SCN3A: variants seen among roughly 807,000 people sequenced by gnomAD.
SCN3A encodes sodium channel protein type 3 subunit alpha.
In SCN3A, 60 loss-of-function variants were observed where a neutral mutation model predicts 187.6. That is an observed-to-expected ratio of 0.32 (90% CI 0.26 to 0.40). The LOEUF (loss-of-function observed/expected upper bound fraction) is 0.40. SCN3A is among the 10% of genes least tolerant of loss of function. The pLI, the probability that SCN3A is intolerant of heterozygous loss-of-function variation, is 1.00. For synonymous variants in SCN3A, 788 were observed against 829.2 expected (o/e 0.95, Z 0.85); for missense variants, 1,601 against 2,428.2 (o/e 0.66, Z 7.16).
chr2:165,110,096 AAC>A lies in SCN3A; in HGVS notation c.3843+2787_3843+2788del, dbSNP rs1359083171. Among the ~76,000 whole-genome samples, 3 of 152,108 alleles carry A rather than the reference AAC, an allele frequency of 2.0e-5. No individual in the cohort carries two copies. In the East Asian group the frequency reaches 5.8e-4, roughly 29 times the overall value. On this transcript the variant is annotated intron_variant, in intron 21 of 27. Transcript: ENST00000283254. ...CTCCTGCCCTCCCTCCGCTTCCCCA[AAC>A]ACGCAGTAATTTACCAGCCTAGTAC...
intron 21 of SCN3A, among the ~76,000 whole-genome samples, chr2:165,107,833 G>A (rs1053896435): frequency 6.6e-6 from 1 of 152,112 alleles, no homozygotes; most frequent in African/African-American, 2.4e-5. Flanking sequence ...AAAATCAAAA[G>A]CTTGTTAAAA....
Position 165,089,950 on chromosome 2 carries a change from C to T in SCN3A, c.*200G>A. The T allele has an allele frequency of 1.5e-6, 1 of 678,566 alleles. No individual in the cohort carries two copies. The highest frequency in any genetic ancestry group is 2.4e-6 in the Non-Finnish European group (1 of 414,942). The allele number at this position is 678,566 out of a possible 1,614,324, so 42.0% of individuals were successfully genotyped here. A position where few individuals can be genotyped will look rare whatever the true frequency, so the allele number is the denominator to read the frequency against. ...GTCAGCTGGTAATAAAAACAGCAAC[C>T]TCTTGTCAATGTTGATACCCTGCTT... On this transcript the variant is annotated 3_prime_UTR_variant, in exon 28 of 28. Transcript: ENST00000283254.
chr2:165,124,226 T>C (rs1004280586), intron 18 of SCN3A, among the ~76,000 whole-genome samples: 4 of 152,062 alleles, frequency 2.6e-5, no homozygotes, highest in Non-Finnish European at 5.9e-5. Context: ...AAAGGAGAGA[T>C]TTATATCTTG....
rs775485970 is a variant in SCN3A, at chr2:165,097,317, G to A, written c.4174C>T (p.Arg1392Trp). 8 of 1,613,946 alleles carry A rather than the reference G, an allele frequency of 5.0e-6. No individual in the cohort carries two copies. The highest frequency in any genetic ancestry group is 1.1e-5 in the South Asian group (1 of 91,066). Reference protein sequence around the residue: ...SDCQALGKQARWKNVKVNFDN... With the variant: ...SDCQALGKQAWWKNVKVNFDN... ...AAGTTTACTTTCACGTTTTTCCACC[G>A]AGCTTGCTTGCCAAGAGCCTGACAG... The change falls in exon 23 of 28, where the codon CGG (arginine) becomes TGG (tryptophan). Residue 1392 changes from arginine (R) to tryptophan (W), a missense_variant. Coordinates refer to ENST00000283254, the MANE Select transcript of SCN3A (RefSeq NM_006922.4).
chr2:165,130,138 G>A lies in SCN3A; in HGVS notation c.2724C>T (p.Tyr908=), dbSNP rs1258208697. The A allele has an allele frequency of 3.1e-6, 5 of 1,614,128 alleles. No individual in the cohort carries two copies. Among genetic ancestry groups the A allele is most frequent in the Non-Finnish European group, 4.2e-6 (5 of 1,180,020 alleles). The change falls in exon 17 of 28, where the codon TAC becomes TAT. Residue 908 remains tyrosine (Y), a synonymous_variant. Transcript: ENST00000283254. The part of the protein sequence containing the change: ...VVGMQLFGKS[Y]KECVCKINDD... The stretch of plus-strand genomic sequence containing the variant: ...CATTGATCTTGCAGACACATTCTTT[G>A]TAGCTCTTACCAAAGAGCTGCATGC...
rs375985778 is a variant in SCN3A at position 165,154,791 on chromosome 2, T to G, written c.1174-133A>C. ...CCAGTTTATTTTCACCAAGAATTTTTTGGTATTGATATGCTCAACACACAA... is the reference window on the plus strand; with the variant it reads ...CCAGTTTATTTTCACCAAGAATTTTGTGGTATTGATATGCTCAACACACAA... On this transcript the variant is annotated intron_variant, in intron 10 of 27. Transcript: ENST00000283254. 3.6e-5 allele frequency: 31 copies of G among 856,814 alleles called. No individual in the cohort carries two copies. The East Asian group carries it at 5.9e-4, about 16-fold the overall frequency. The allele number at this position is 856,814 out of a possible 1,614,324, so 53.1% of individuals were successfully genotyped here. A position where few individuals can be genotyped will look rare whatever the true frequency, so the allele number is the denominator to read the frequency against.
At chr2:165,175,270 A>AAAATAT (rs2105921995) in intron 3 of SCN3A, among the ~76,000 whole-genome samples, 2 of 152,338 alleles carry the variant, frequency 1.3e-5, no homozygotes, top group African/African-American at 2.4e-5. Flanking sequence ...TTTTAAGTGT[A>AAAATAT]AAATATAAAT....
chr2:165,120,789 G>T (rs536114087), intron 18 of SCN3A, among the ~76,000 whole-genome samples: 3 of 151,028 alleles, frequency 2.0e-5, no homozygotes, highest in South Asian at 4.2e-4. Flanking sequence ...GAAGGAAAAG[G>T]CCAGTAGCTC....
At chr2:165,186,289 C>CAGCAACA (rs953475475) in intron 2 of SCN3A, among the ~76,000 whole-genome samples, 1 of 151,140 alleles carries the variant, frequency 6.6e-6, no homozygotes, top group Non-Finnish European at 1.5e-5. Flanking sequence ...ACAACAACAA[C>CAGCAACA]AAAAAAACAA....
chr2:165,121,609 G>A (rs1234845411), intron 18 of SCN3A, among the ~76,000 whole-genome samples: 1 of 152,006 alleles, frequency 6.6e-6, no homozygotes, highest in African/African-American at 2.4e-5. Context: ...CTAATTCTCA[G>A]TTATCCCTAA....
chr2:165,114,163 C>G (rs1381256279), intron 19 of SCN3A, among the ~76,000 whole-genome samples, 193 bp from the exon 20 acceptor site: 4 of 152,070 alleles, frequency 2.6e-5, no homozygotes, highest in Admixed American at 2.6e-4. Flanking sequence ...CAGCCAGCTA[C>G]TTAGAATTCA....
intron 15 of SCN3A, among the ~76,000 whole-genome samples, chr2:165,133,851 T>G (rs1378639040): frequency 6.6e-6 from 1 of 152,160 alleles, no homozygotes; most frequent in Non-Finnish European, 1.5e-5. Flanking sequence ...CCAAATTTAT[T>G]TCTGGGTAGT....
At chr2:165,096,328 A>G (rs1574099509) in intron 24 of SCN3A, 139 bp downstream of exon 24, 6 of 669,026 alleles carry the variant, frequency 9.0e-6, no homozygotes, top group African/African-American at 1.8e-5. Context: ...CATCATCTAT[A>G]TTGAAGCAGA....
At chr2:165,154,050 A>G (rs767309364) in intron 11 of SCN3A, among the ~76,000 whole-genome samples, 14 of 138,534 alleles carry the variant, frequency 1.0e-4, no homozygotes, top group Non-Finnish European at 1.8e-4. Flanking sequence ...AGGTATATAT[A>G]AAGTCTCTTG....
At chr2:165,130,435 C>T in intron 16 of SCN3A, 139 bp from the exon 17 acceptor site, 1 of 852,538 alleles carries the variant, frequency 1.2e-6, no homozygotes, top group Non-Finnish European at 1.9e-6. Flanking sequence ...AATTTCAAAT[C>T]CAGAAAAAAT....
rs6721828 is a variant in SCN3A, at chr2:165,127,281, C to T, written c.3393+350G>A. On this transcript the variant is annotated intron_variant, in intron 18 of 27. Transcript: ENST00000283254. ...TTTGCCATCTTGCCCAGGCTGGCCT[C>T]GAACTCCTGGGCTCAAGTGATCTGC... 7.3e-3 allele frequency among the ~76,000 whole-genome samples: 1,111 copies of T among 151,878 alleles called. 17 individuals carry two copies. Among genetic ancestry groups the T allele is most frequent in the African/African-American group, 0.026 (1,072 of 41,420 alleles).
intron 11 of SCN3A, among the ~76,000 whole-genome samples, chr2:165,152,817 T>A (rs1036913929): frequency 1.4e-4 from 22 of 152,232 alleles, no homozygotes; most frequent in African/African-American, 5.3e-4. Flanking sequence ...GTATACCTAA[T>A]GTAAATGACG....
chr2:165,202,320 G>T (rs1692373536), intron 1 of SCN3A, among the ~76,000 whole-genome samples: 1 of 151,892 alleles, frequency 6.6e-6, no homozygotes, highest in Admixed American at 6.6e-5. Context: ...AACATTTGGG[G>T]CCAAAATTAA....
chr2:165,162,375 T>C lies in SCN3A; in HGVS notation c.968-4A>G, dbSNP rs1689458926. ...CCATCCAAAACATAAAAGTGACCTG[T>C]TAATACAAAAAAAAACCCATTTTAT... On this transcript the variant is annotated splice_region_variant and splice_polypyrimidine_tract_variant and intron_variant, in intron 8 of 27. Transcript: ENST00000283254. 5 of 1,613,500 alleles carry C rather than the reference T, an allele frequency of 3.1e-6. No homozygotes were observed. The highest frequency in any genetic ancestry group is 4.2e-6 in the Non-Finnish European group (5 of 1,179,656).
Sources: gnomAD v4.1 joint callset for allele counts (sites outside exome capture counted in the v4.1 genomes callset) on GRCh38, gnomAD v4.1.1 for gene constraint, MANE v1.5 for transcripts, NCBI Gene and HGNC (gene_info 2026-07-23, HGNC 2026-07-21) for gene names.